PKIB: variants seen among roughly 807,000 people sequenced by gnomAD.
PKIB encodes PKI-beta.
In PKIB, 2 loss-of-function variants were observed where a neutral mutation model predicts 4.5. The ratio of observed to expected loss-of-function variants is 0.44; its 90% CI spans 0.18 to 1.39. The LOEUF (loss-of-function observed/expected upper bound fraction) is 1.39. Among genes scored for constraint, PKIB ranks in the 40% most tolerant of loss-of-function variants. The probability of loss-of-function intolerance (pLI) is 0.27; values close to 1 mark genes in which losing one functional copy is unlikely to be tolerated. For synonymous variants in PKIB, 38 were observed against 36.0 expected, an observed-to-expected ratio of 1.06 and a Z score of -0.20; for missense variants, 94 against 92.6, an observed-to-expected ratio of 1.02 and a Z score of -0.06.
At chr6:122,475,540 C>G (rs947103524) in intron 1 of PKIB, among the ~76,000 whole-genome samples, 1 of 152,088 alleles carries the variant, frequency 6.6e-6, no homozygotes, top group African/African-American at 2.4e-5. Context: ...AATCCCAGCA[C>G]TTTGGGAGCC....
At chr6:122,520,661 T>TTCCCTC (rs1562237597) in intron 2 of PKIB, among the ~76,000 whole-genome samples, 5 of 55,536 alleles carry the variant, frequency 9.0e-5, no homozygotes, top group Admixed American at 4.3e-4. Flanking sequence ...AAGTTTATGT[T>TTCCCTC]CCCACCCCCC....
At chr6:122,696,589 A>G (rs1194904292) in intron 3 of PKIB, among the ~76,000 whole-genome samples, 1 of 152,208 alleles carries the variant, frequency 6.6e-6, no homozygotes, top group Non-Finnish European at 1.5e-5. Flanking sequence ...CCTGACTGCC[A>G]CCTCACAGAG....
rs758668733 is a variant in PKIB at position 122,587,028 on chromosome 6, GT to G, written c.-161+1031del. 3.3e-4 allele frequency among the ~76,000 whole-genome samples: 50 copies of G among 149,710 alleles called. 1 individual carries two copies. Among genetic ancestry groups the G allele is most frequent in the Middle Eastern group, 3.4e-3 (1 of 290 alleles). On this transcript the variant is annotated intron_variant, in intron 3 of 6. Transcript: ENST00000392491. ...TAAAACAAACTAAATAAGCAATGTG[GT>G]TTTTTTTTTATTGTACTTTAAGTTT...
At chr6:122,648,810 G>T (rs1183626153) in intron 2 of PKIB, among the ~76,000 whole-genome samples, 1 of 152,220 alleles carries the variant, frequency 6.6e-6, no homozygotes, top group Non-Finnish European at 1.5e-5. Context: ...CCCAGGGAAT[G>T]ATACCATATT....
intron 2 of PKIB, among the ~76,000 whole-genome samples, chr6:122,507,978 AT>A (rs1362429402): frequency 6.6e-6 from 1 of 151,970 alleles, no homozygotes. Context: ...AATATTTTTA[AT>A]TTTTTTAATT....
upstream of PKIB, among the ~76,000 whole-genome samples, chr6:122,607,826 C>G (rs903654990): frequency 6.6e-6 from 1 of 152,146 alleles, no homozygotes; most frequent in African/African-American, 2.4e-5. Context: ...CTTCTGAAGT[C>G]TTAATTGTCT....
At chr6:122,490,318 C>T (rs1455984270) in intron 2 of PKIB, among the ~76,000 whole-genome samples, 1 of 152,070 alleles carries the variant, frequency 6.6e-6, no homozygotes, top group South Asian at 2.1e-4. Flanking sequence ...TGAAGTTTAG[C>T]GTGAGGATGT....
chr6:122,700,101 A>G (rs1313460825), intron 3 of PKIB, among the ~76,000 whole-genome samples: 1 of 152,162 alleles, frequency 6.6e-6, no homozygotes, highest in Admixed American at 6.5e-5. Flanking sequence ...TATCTTGGCT[A>G]TATAAATGCC....
At chr6:122,586,419 A>G (rs1385956273) in intron 3 of PKIB, among the ~76,000 whole-genome samples, 1 of 152,120 alleles carries the variant, frequency 6.6e-6, no homozygotes, top group Admixed American at 6.6e-5. Flanking sequence ...CCACATTACA[A>G]ATTACGTTGT....
intron 3 of PKIB, among the ~76,000 whole-genome samples, chr6:122,692,471 C>G (rs1168954314): frequency 6.6e-6 from 1 of 152,348 alleles, no homozygotes; most frequent in East Asian, 1.9e-4. Context: ...TGGCCACCAC[C>G]ACAGCCCCAT....
intron 4 of PKIB, among the ~76,000 whole-genome samples, chr6:122,719,477 A>G (rs886728229): frequency 5.9e-5 from 9 of 152,186 alleles, no homozygotes; most frequent in African/African-American, 2.2e-4. Flanking sequence ...ACAGAAAGGT[A>G]AATACCACAT....
chr6:122,612,228 A>G (rs913423089), intron 1 of PKIB, among the ~76,000 whole-genome samples: 1 of 152,090 alleles, frequency 6.6e-6, no homozygotes, highest in African/African-American at 2.4e-5. Flanking sequence ...ATTTTTTTAC[A>G]ACTTTATTGA....
chr6:122,509,557 A>C (rs529342812), intron 2 of PKIB, among the ~76,000 whole-genome samples: 1 of 151,834 alleles, frequency 6.6e-6, no homozygotes, highest in East Asian at 1.9e-4. Context: ...TAGCCTCCCG[A>C]GTAGCTGGGA....
At chr6:122,502,628 C>T (rs1776276487) in intron 2 of PKIB, among the ~76,000 whole-genome samples, 1 of 152,090 alleles carries the variant, frequency 6.6e-6, no homozygotes, top group Non-Finnish European at 1.5e-5. Context: ...GATTCAATCA[C>T]CTCCCACTAG....
chr6:122,503,049 CTG>C (rs1776291444), intron 2 of PKIB, among the ~76,000 whole-genome samples: 1 of 152,212 alleles, frequency 6.6e-6, no homozygotes, highest in African/African-American at 2.4e-5. Flanking sequence ...GGTCTTCTCT[CTG>C]TGTCTTCATG....
chr6:122,558,835 T>C lies in PKIB; in HGVS notation c.-247-27086T>C, dbSNP rs540280863. Among the ~76,000 whole-genome samples, 4 of 152,280 alleles carry C rather than the reference T, an allele frequency of 2.6e-5. No individual in the cohort carries two copies. In the South Asian group the frequency reaches 8.3e-4, roughly 32 times the overall value. ...TTCTTTAGCGGTGATTTGTGAGATT[T>C]TGGTGCACCCATCACCGGAGCAGTA... On this transcript the variant is annotated intron_variant, in intron 2 of 6. Coordinates refer to the PKIB transcript ENST00000392491.
intron 2 of PKIB, among the ~76,000 whole-genome samples, chr6:122,484,626 T>G (rs1350781407): frequency 6.6e-6 from 1 of 152,238 alleles, no homozygotes; most frequent in Non-Finnish European, 1.5e-5. Flanking sequence ...CACACATTAC[T>G]TTTTTAAGAC....
intron 2 of PKIB, among the ~76,000 whole-genome samples, chr6:122,486,340 T>C (rs1488618768): frequency 1.3e-5 from 2 of 152,196 alleles, no homozygotes; most frequent in Non-Finnish European, 2.9e-5. Context: ...ATAATAAGTA[T>C]GGCATTTAAA....
intron 2 of PKIB, among the ~76,000 whole-genome samples, chr6:122,637,930 G>A (rs956320204): frequency 1.3e-5 from 2 of 152,028 alleles, no homozygotes; most frequent in Non-Finnish European, 2.9e-5. Context: ...ATTCTTATAC[G>A]TGCCAAGGCA....
Sources: gnomAD v4.1 joint callset for allele counts (sites outside exome capture counted in the v4.1 genomes callset) on GRCh38, gnomAD v4.1.1 for gene constraint, MANE v1.5 for transcripts, NCBI Gene and HGNC (gene_info 2026-07-23, HGNC 2026-07-21) for gene names.